ARHGEF10: variants seen among roughly 807,000 people sequenced by gnomAD.
ARHGEF10 encodes Rho guanine nucleotide exchange factor (GEF) 10.
In ARHGEF10, 140 loss-of-function variants were observed where a neutral mutation model predicts 147.4. That is an observed-to-expected ratio of 0.95 (90% CI 0.83 to 1.09). The LOEUF (loss-of-function observed/expected upper bound fraction) is 1.09, where lower values mean the gene tolerates loss of function less well. Among genes scored for constraint, ARHGEF10 ranks in the 50% least tolerant of loss-of-function variants. The pLI, the probability that ARHGEF10 is intolerant of heterozygous loss-of-function variation, is 0.00. For synonymous variants in ARHGEF10, 902 were observed against 695.8 expected, an observed-to-expected ratio of 1.30 and a Z score of -4.67; for missense variants, 2,222 against 1,752.7, an observed-to-expected ratio of 1.27 and a Z score of -4.78.
chr8:1,944,235 C>T (rs1814369485), intron 26 of ARHGEF10, among the ~76,000 whole-genome samples: 1 of 152,090 alleles, frequency 6.6e-6, no homozygotes, highest in South Asian at 2.1e-4. Flanking sequence ...CCCTGGGGGC[C>T]CCAGCCTCCC....
chr8:1,894,457 T>C lies in ARHGEF10; in HGVS notation c.1325T>C (p.Val442Ala). The change falls in exon 13 of 29, where the codon GTG becomes GCG. Residue 442 changes from valine to alanine, a missense_variant. Transcript: ENST00000349830. Reference protein sequence around the residue: ...KVLSERKLKTVFYRVKEILQC... With the variant: ...KVLSERKLKTAFYRVKEILQC... ...CTGAGTGAGAGGAAGCTGAAGACGG[T>C]GTTCTACCGAGTCAAAGAGATCCTG... 6.2e-7 allele frequency: 1 copy of C among 1,614,210 alleles called. No homozygotes were observed. The highest frequency in any genetic ancestry group is 8.5e-7 in the Non-Finnish European group (1 of 1,180,040).
Position 1,937,944 on chromosome 8 carries a change from C to T in ARHGEF10, c.3222+4002C>T, listed in dbSNP as rs1813753863. On this transcript the variant is annotated intron_variant, in intron 26 of 28. Coordinates refer to ENST00000349830, the MANE Select transcript of ARHGEF10 (RefSeq NM_014629.4). The surrounding 1 kb of genome is among the most constrained non-coding windows in gnomAD (Gnocchi z 4.9). ...GGAGTCAGCATACCGGTGGGGGTGG[C>T]TGGCCCCGTCCCAGCTCTGGCGCCA... Among the ~76,000 whole-genome samples, 2 of 152,196 alleles carry T rather than the reference C, an allele frequency of 1.3e-5. No individual in the cohort carries two copies. The highest frequency in any genetic ancestry group is 6.5e-5 in the Admixed American group (1 of 15,288).
At position 1,905,661 on chromosome 8, in the gene ARHGEF10, G is replaced by C. The variant is rs763579436; in HGVS notation, c.1912G>C (p.Glu638Gln). Residue 638 changes from glutamate to glutamine, a missense_variant, in exon 17 of 29, where the codon GAA (glutamate) becomes CAA (glutamine). By Grantham distance (29) the Glu-to-Gln change is conservative (BLOSUM62 2). Transcript: ENST00000349830. ...NDRGEIVKTKERRVFMLNDVL... is the reference protein window; with the variant it reads ...NDRGEIVKTKQRRVFMLNDVL... Reference sequence around the variant, plus strand: ...CAGAGGAGAGATTGTTAAAACCAAAGAACGCCGAGTCTTCATGTTAAATGA... The same window carrying C: ...CAGAGGAGAGATTGTTAAAACCAAACAACGCCGAGTCTTCATGTTAAATGA... 3.1e-6 allele frequency: 5 copies of C among 1,614,190 alleles called. No individual in the cohort carries two copies. The highest frequency in any genetic ancestry group is 1.6e-4 in the Middle Eastern group (1 of 6,062).
chr8:1,887,069 T>C (rs1272233985), intron 11 of ARHGEF10, among the ~76,000 whole-genome samples: 2 of 152,142 alleles, frequency 1.3e-5, no homozygotes, highest in Non-Finnish European at 2.9e-5. Context: ...AGGCGCTCAA[T>C]AGGATGACAC....
chr8:1,860,042 G>A lies in ARHGEF10; in HGVS notation c.339G>A (p.Glu113=). Reference sequence around the variant, plus strand: ...CGCCCACCCCCGTGCCCAGCGCTGAGGAGGAGAATGTGGGTCTCCATGTGC... The same window carrying A: ...CGCCCACCCCCGTGCCCAGCGCTGAAGAGGAGAATGTGGGTCTCCATGTGC... ...DQPPTPVPSA[E]EENVGLHVPC... The change falls in exon 4 of 29, where the codon GAG becomes GAA. Residue 113 remains glutamate (E), a synonymous_variant. Transcript: ENST00000349830. The A allele has an allele frequency of 1.2e-6, 2 of 1,614,066 alleles. No homozygotes were observed. Among genetic ancestry groups the A allele is most frequent in the South Asian group, 2.2e-5 (2 of 91,036 alleles).
rs778045084 is a variant in ARHGEF10 at position 1,905,690 on chromosome 8, G to A, written c.1941G>A (p.Val647=). ...KERRVFMLND[V]LMCATVSSRP... ...GCCGAGTCTTCATGTTAAATGATGTGTTAATGTGTGCCACCGTCAGCTCAC... is the reference window on the plus strand; with the variant it reads ...GCCGAGTCTTCATGTTAAATGATGTATTAATGTGTGCCACCGTCAGCTCAC... The change falls in exon 17 of 29, where the codon GTG becomes GTA. Residue 647 remains valine, a synonymous_variant. Transcript: ENST00000349830. 8.7e-6 allele frequency: 14 copies of A among 1,613,984 alleles called. No homozygotes were observed. In the East Asian group the frequency reaches 1.8e-4, roughly 21 times the overall value.
chr8:1,888,170 ACAGTGAGTGGGGTGAGGGTT>A (rs1808898335), intron 11 of ARHGEF10, among the ~76,000 whole-genome samples: 2 of 65,102 alleles, frequency 3.1e-5, no homozygotes, highest in African/African-American at 2.0e-4. Flanking sequence ...TTGCGAGGAG[ACAGTGAGTGGGGTGAGGGTT>A]TGCGAGGAGA....
intron 6 of ARHGEF10, among the ~76,000 whole-genome samples, 165 bp from the exon 7 acceptor site, chr8:1,869,029 T>C (rs567852962): frequency 1.3e-5 from 2 of 152,200 alleles, no homozygotes; most frequent in South Asian, 4.1e-4. Context: ...CATTGTCTAC[T>C]AGTTGGGACA....
intron 2 of ARHGEF10, among the ~76,000 whole-genome samples, chr8:1,846,571 T>G (rs1804577961): frequency 6.6e-6 from 1 of 152,202 alleles, no homozygotes; most frequent in South Asian, 2.1e-4. Flanking sequence ...AGTCATTGAA[T>G]ATAAATTTTT....
At chr8:1,838,378 CAG>C (rs1224577706) in intron 1 of ARHGEF10, among the ~76,000 whole-genome samples, 3 of 152,220 alleles carry the variant, frequency 2.0e-5, no homozygotes, top group African/African-American at 4.8e-5. Flanking sequence ...TCTGAGGCTG[CAG>C]AGTCATCCAG....
intron 3 of ARHGEF10, among the ~76,000 whole-genome samples, chr8:1,859,665 A>G (rs7003950): frequency 0.3 from 44,892 of 152,014 alleles, 6,780 homozygotes; most frequent in South Asian, 0.44. Context: ...TCATGGGATG[A>G]GCCTCCTGTA....
At chr8:1,914,444 G>T (rs988722781) in intron 18 of ARHGEF10, among the ~76,000 whole-genome samples, 3 of 152,222 alleles carry the variant, frequency 2.0e-5, no homozygotes, top group African/African-American at 7.2e-5. Context: ...GCACTGCATG[G>T]CCTCGCCTGT....
intron 7 of ARHGEF10, among the ~76,000 whole-genome samples, chr8:1,873,314 C>T (rs1322388743): frequency 1.3e-5 from 2 of 152,190 alleles, no homozygotes; most frequent in Non-Finnish European, 2.9e-5. Flanking sequence ...AGCACGGCAG[C>T]AGAAAAACGA....
In ARHGEF10 at chr8:1,871,449, G is replaced by T. The variant is rs550669363; in HGVS notation, c.679+2199G>T. ...AATGGAAATGAAAATATTTTGTCTT[G>T]AATAATAATAAAAACATTACATAAA... On this transcript the variant is annotated intron_variant, in intron 7 of 28. Coordinates refer to ENST00000349830, the MANE Select transcript of ARHGEF10 (RefSeq NM_014629.4). Among the ~76,000 whole-genome samples the T allele has an allele frequency of 1.1e-3, 168 of 152,164 alleles. 1 individual carries two copies. Among genetic ancestry groups the T allele is most frequent in the African/African-American group, 3.3e-3 (138 of 41,524 alleles).
intron 24 of ARHGEF10, among the ~76,000 whole-genome samples, 197 bp downstream of exon 24, chr8:1,928,847 G>C (rs929945874): frequency 2.6e-5 from 4 of 152,166 alleles, no homozygotes; most frequent in Admixed American, 2.6e-4. Flanking sequence ...AATTATTCTA[G>C]GAAACTCTTA....
chr8:1,943,438 G>A (rs770347853), intron 26 of ARHGEF10, among the ~76,000 whole-genome samples: 20 of 152,156 alleles, frequency 1.3e-4, no homozygotes, highest in Non-Finnish European at 2.2e-4. Context: ...CCTCTGTGAC[G>A]CAGGAGGCCA....
intron 10 of ARHGEF10, among the ~76,000 whole-genome samples, chr8:1,884,246 AT>A (rs1158117389): frequency 6.6e-6 from 1 of 152,122 alleles, no homozygotes; most frequent in Non-Finnish European, 1.5e-5. Context: ...ACAAAAAAAA[AT>A]TAGCTGGGCG....
intron 26 of ARHGEF10, among the ~76,000 whole-genome samples, chr8:1,938,280 A>C (rs928376179): frequency 6.6e-6 from 1 of 152,188 alleles, no homozygotes; most frequent in Non-Finnish European, 1.5e-5. Flanking sequence ...GTTTAGGAAA[A>C]GGGTGAATCA....
chr8:1,851,660 C>A (rs926506192), intron 2 of ARHGEF10, among the ~76,000 whole-genome samples: 3 of 152,150 alleles, frequency 2.0e-5, no homozygotes, highest in Non-Finnish European at 4.4e-5. Flanking sequence ...TGCCTGTAAT[C>A]CCAGCACTTT....
Sources: gnomAD v4.1 joint callset for allele counts (sites outside exome capture counted in the v4.1 genomes callset) on GRCh38, gnomAD v4.1.1 for gene constraint, Gnocchi (gnomAD v3.1) non-coding constraint, MANE v1.5 for transcripts, NCBI Gene and HGNC (gene_info 2026-07-23, HGNC 2026-07-21) for gene names.